CAPN8: variants seen among roughly 807,000 people sequenced by gnomAD.
The protein encoded by CAPN8 is calpain 8, also known as calpain-8.
CAPN8 carries 87 observed loss-of-function variants against 80.9 expected under a neutral mutation model. The observed-to-expected ratio is 1.07, with a 90% CI of 0.90 to 1.28. The LOEUF (loss-of-function observed/expected upper bound fraction) is 1.28. Among genes scored for constraint, CAPN8 ranks in the 50% most tolerant of loss-of-function variants. The probability of loss-of-function intolerance (pLI) is 0.00; values close to 1 mark genes in which losing one functional copy is unlikely to be tolerated. For synonymous variants in CAPN8, 299 were observed against 273.8 expected (o/e 1.09, Z -0.91); for missense variants, 757 against 702.0 (o/e 1.08, Z -0.89).
intron 17 of CAPN8, 149 bp downstream of exon 17, chr1:223,545,082 T>A (rs762933141): frequency 7.0e-7 from 1 of 1,425,430 alleles, no homozygotes. Context: ...GAGTCTCTCA[T>A]TGCCTTCTTG....
At position 223,619,323 on chromosome 1, in the gene CAPN8, A is replaced by T. The variant is rs1229868877; in HGVS notation, c.1105T>A (p.Ser369Thr). 1 of 1,551,644 alleles carries T rather than the reference A, an allele frequency of 6.4e-7. No individual in the cohort carries two copies. Among genetic ancestry groups the T allele is most frequent in the Admixed American group, 2.0e-5 (1 of 50,994 alleles). Reference sequence around the variant, plus strand: ...TAGTTCTGGCAGCCCCCAGCTGTGGAGCCCCGGGTCCAGTGGCCGTTGAAC... The same window carrying T: ...TAGTTCTGGCAGCCCCCAGCTGTGGTGCCCCGGGTCCAGTGGCCGTTGAAC... ...VLFNGHWTRG[S>T]TAGGCQNYPA... Residue 369 changes from serine (S) to threonine (T), a missense_variant, in exon 9 of 21, where the codon TCC (serine) becomes ACC (threonine). Physicochemically the swap from Ser to Thr is moderately conservative, Grantham distance 58 (BLOSUM62 1). Coordinates refer to ENST00000366872, the MANE Select transcript of CAPN8 (RefSeq NM_001143962.2).
At chr1:223,658,592 C>A (rs757417426) in intron 1 of CAPN8, among the ~76,000 whole-genome samples, 1 of 152,104 alleles carries the variant, frequency 6.6e-6, no homozygotes, top group Non-Finnish European at 1.5e-5. Flanking sequence ...CACTTGAGGT[C>A]AGGAGTTTGA....
At chr1:223,661,647 A>C (rs1658649145) in intron 1 of CAPN8, among the ~76,000 whole-genome samples, 1 of 152,158 alleles carries the variant, frequency 6.6e-6, no homozygotes, top group Non-Finnish European at 1.5e-5. Context: ...AAAAAGAAAA[A>C]AAATGAAAGA....
chr1:223,614,332 G>A (rs1049846226), intron 10 of CAPN8, among the ~76,000 whole-genome samples: 15 of 151,820 alleles, frequency 9.9e-5, no homozygotes, highest in African/African-American at 3.1e-4. Context: ...CCTGGGAGAC[G>A]GAGGTTGCAG....
Position 223,616,001 on chromosome 1 carries a change from C to T in CAPN8, c.1280G>A (p.Gly427Asp). 1 of 1,552,294 alleles carries T rather than the reference C, an allele frequency of 6.4e-7. No individual in the cohort carries two copies. Among genetic ancestry groups the T allele is most frequent in the Admixed American group, 2.0e-5 (1 of 51,018 alleles). The change falls in exon 10 of 21, where the codon GGC becomes GAC. Residue 427 changes from glycine to aspartate, a missense_variant. By Grantham distance (94) the Gly-to-Asp change is moderately conservative. Transcript: ENST00000366872. ...GACGGCATAGCCGATGCTAAGCATG[C>T]CTTGTCCTATCCGCTTCCGCCACCT... ...NRRWRKRIGQ[G>D]MLSIGYAVYQ...
intron 2 of CAPN8, among the ~76,000 whole-genome samples, chr1:223,652,430 A>G (rs916717909): frequency 6.6e-6 from 1 of 152,170 alleles, no homozygotes; most frequent in Non-Finnish European, 1.5e-5. Flanking sequence ...AAAAACCAAC[A>G]GAACATTTAA....
chr1:223,661,682 T>C (rs1658649998), intron 1 of CAPN8, among the ~76,000 whole-genome samples: 1 of 151,952 alleles, frequency 6.6e-6, no homozygotes, highest in Non-Finnish European at 1.5e-5. Flanking sequence ...GGCAAGGATG[T>C]GGAGAAATAG....
intron 16 of CAPN8, among the ~76,000 whole-genome samples, chr1:223,546,587 A>C (rs1201167171): frequency 6.6e-6 from 1 of 152,218 alleles, no homozygotes; most frequent in Non-Finnish European, 1.5e-5. Flanking sequence ...TATGCAAAGG[A>C]AGCTAACACT....
chr1:223,624,044 A>G (rs1179716391), intron 6 of CAPN8, among the ~76,000 whole-genome samples: 2 of 152,070 alleles, frequency 1.3e-5, no homozygotes, highest in African/African-American at 2.4e-5. Context: ...TGAAACACAA[A>G]CACATGTAAA....
chr1:223,548,521 C>A (rs1248504283), intron 16 of CAPN8, among the ~76,000 whole-genome samples: 11 of 152,098 alleles, frequency 7.2e-5, no homozygotes, highest in Non-Finnish European at 1.5e-4. Flanking sequence ...GAGGGTGGAA[C>A]CCTCAGAAAT....
chr1:223,620,757 C>A (rs535957225), intron 7 of CAPN8, among the ~76,000 whole-genome samples: 1 of 152,296 alleles, frequency 6.6e-6, no homozygotes, highest in African/African-American at 2.4e-5. Flanking sequence ...CACTTCCTTA[C>A]ACCCACGAGA....
chr1:223,546,410 G>T (rs994098997), intron 16 of CAPN8, among the ~76,000 whole-genome samples: 5 of 152,104 alleles, frequency 3.3e-5, no homozygotes, highest in African/African-American at 1.2e-4. Context: ...TAAATAATTA[G>T]AATTCTAAAA....
intron 2 of CAPN8, among the ~76,000 whole-genome samples, chr1:223,646,795 G>A (rs1403614178): frequency 6.6e-6 from 1 of 152,208 alleles, no homozygotes; most frequent in Non-Finnish European, 1.5e-5. Context: ...TGAAGCCACA[G>A]GCAGAGAGCA....
In CAPN8 at chr1:223,628,687, T is replaced by C. The variant is rs779919914; in HGVS notation, c.401A>G (p.Asn134Ser). ...CTGAAAGTGAAAGATTCCCGCATAG[T>C]TCTCCTGGAAGTCCTGGTCCCTGGG... Reference protein sequence around the residue: ...VVPRDQDFQENYAGIFHFQFW... With the variant: ...VVPRDQDFQESYAGIFHFQFW... Residue 134 changes from asparagine (N) to serine (S), a missense_variant, in exon 3 of 21, where the codon AAC (asparagine) becomes AGC (serine). Coordinates refer to ENST00000366872, the MANE Select transcript of CAPN8 (RefSeq NM_001143962.2). The C allele has an allele frequency of 1.3e-6, 2 of 1,551,566 alleles. No individual in the cohort carries two copies. The highest frequency in any genetic ancestry group is 1.4e-5 in the African/African-American group (1 of 73,052).
intron 4 of CAPN8, 51 bp from the exon 5 acceptor site, chr1:223,627,208 C>CT: frequency 6.5e-7 from 1 of 1,537,724 alleles, no homozygotes; most frequent in East Asian, 2.5e-5. Context: ...AGCAAGGAGA[C>CT]CCGGGGATTG....
intron 9 of CAPN8, among the ~76,000 whole-genome samples, chr1:223,618,632 G>A (rs537554931): frequency 6.6e-6 from 1 of 152,364 alleles, no homozygotes; most frequent in Admixed American, 6.5e-5. Context: ...GGGGAGTGGG[G>A]AGGAAGGGGC....
chr1:223,664,630 C>A (rs1480699222), intron 1 of CAPN8, among the ~76,000 whole-genome samples: 1 of 152,176 alleles, frequency 6.6e-6, no homozygotes, highest in Non-Finnish European at 1.5e-5. Flanking sequence ...TCTCTCTATA[C>A]CTCACCATCT....
At chr1:223,542,781 T>C (rs1656503940) in intron 20 of CAPN8, among the ~76,000 whole-genome samples, 1 of 152,188 alleles carries the variant, frequency 6.6e-6, no homozygotes, top group South Asian at 2.1e-4. Context: ...CATAGGTCCA[T>C]ATAAGACAGC....
chr1:223,631,227 C>T (rs1171861740), intron 2 of CAPN8, among the ~76,000 whole-genome samples: 1 of 151,618 alleles, frequency 6.6e-6, no homozygotes, highest in Non-Finnish European at 1.5e-5. Flanking sequence ...TTCTCTGATA[C>T]CGCCTACCCT....
Sources: gnomAD v4.1 joint callset for allele counts (sites outside exome capture counted in the v4.1 genomes callset) on GRCh38, gnomAD v4.1.1 for gene constraint, MANE v1.5 for transcripts, NCBI Gene and HGNC (gene_info 2026-07-23, HGNC 2026-07-21) for gene names.